CUX1: variants seen among roughly 807,000 people sequenced by gnomAD.
CUX1 encodes protein CASP.
Under a neutral mutation model 158.8 loss-of-function variants are expected in CUX1, and 31 were observed. That is an observed-to-expected ratio of 0.20 (90% CI 0.15 to 0.26). The LOEUF (loss-of-function observed/expected upper bound fraction) is 0.26, where lower values mean the gene tolerates loss of function less well. Among genes scored for constraint, CUX1 ranks in the 10% least tolerant of loss-of-function variants. CUX1 has a pLI of 1.00. For missense variants in CUX1, 1,589 were observed against 2,014.6 expected (o/e 0.79, Z 4.04); for synonymous variants, 879 against 862.1 (o/e 1.02, Z -0.34).
intron 21 of CUX1, among the ~76,000 whole-genome samples, chr7:102,229,486 A>G (rs1483163412): frequency 6.7e-6 from 1 of 148,504 alleles, no homozygotes; most frequent in Non-Finnish European, 1.5e-5. Context: ...TAATTTTTGT[A>G]TTTTTAGTAG....
intron 1 of CUX1, among the ~76,000 whole-genome samples, chr7:101,835,112 AC>A (rs1237948113): frequency 2.0e-5 from 3 of 152,112 alleles, no homozygotes; most frequent in Non-Finnish European, 4.4e-5. Context: ...CGTTTCCAAC[AC>A]CCCGACAAGA....
intron 23 of CUX1, among the ~76,000 whole-genome samples, chr7:102,246,190 T>C (rs1354794368): frequency 6.6e-6 from 1 of 151,996 alleles, no homozygotes; most frequent in Non-Finnish European, 1.5e-5. Flanking sequence ...CCAACCAGAA[T>C]AGGTGGGGTG....
At chr7:101,911,418 C>T (rs1413769898) in intron 1 of CUX1, among the ~76,000 whole-genome samples, 1 of 152,156 alleles carries the variant, frequency 6.6e-6, no homozygotes, top group Non-Finnish European at 1.5e-5. Context: ...ATGACCTGAG[C>T]CTTGGTCTTG....
intron 1 of CUX1, among the ~76,000 whole-genome samples, chr7:101,839,006 C>T (rs924308630): frequency 2.0e-5 from 3 of 152,302 alleles, no homozygotes; most frequent in South Asian, 2.1e-4. Context: ...CAGATGGCCT[C>T]GTTTTTGCTG....
intron 2 of CUX1, among the ~76,000 whole-genome samples, chr7:101,994,960 G>A: frequency 6.6e-6 from 1 of 151,886 alleles, no homozygotes; most frequent in Non-Finnish European, 1.5e-5. Context: ...AGCCGGGCAT[G>A]GTGGCACATG....
At chr7:102,214,591 C>T (rs1796862145) in intron 20 of CUX1, among the ~76,000 whole-genome samples, 3 of 152,360 alleles carry the variant, frequency 2.0e-5, no homozygotes, top group East Asian at 3.9e-4. Context: ...ATTCAGTGAA[C>T]GTATACACAC....
At chr7:102,200,529 C>T (rs958613819) in intron 17 of CUX1, among the ~76,000 whole-genome samples, 12 of 151,986 alleles carry the variant, frequency 7.9e-5, no homozygotes, top group Admixed American at 2.0e-4. Flanking sequence ...TTAGTAGAGA[C>T]GGGGTTTTAC....
intron 1 of CUX1, among the ~76,000 whole-genome samples, chr7:101,870,144 G>GTTTTTT (rs112866816): frequency 9.0e-6 from 1 of 111,206 alleles, no homozygotes; most frequent in Non-Finnish European, 1.8e-5. Context: ...GATGTTTAGT[G>GTTTTTT]TTTTTTTTGT....
At chr7:102,178,732 C>T in intron 11 of CUX1, 75 bp downstream of exon 11, 1 of 1,434,532 alleles carries the variant, frequency 7.0e-7, no homozygotes, top group Non-Finnish European at 9.4e-7. Context: ...ACACACACAC[C>T]CTCTGCCTTT....
At chr7:102,112,743 G>A (rs1422850521) in intron 7 of CUX1, among the ~76,000 whole-genome samples, 1 of 151,852 alleles carries the variant, frequency 6.6e-6, no homozygotes, top group Non-Finnish European at 1.5e-5. Flanking sequence ...CCTAATTTTT[G>A]TGTTTTTAGT....
At chr7:102,034,818 T>C (rs1442156223) in intron 3 of CUX1, among the ~76,000 whole-genome samples, 1 of 150,240 alleles carries the variant, frequency 6.7e-6, no homozygotes, top group African/African-American at 2.5e-5. Context: ...CCTGTACACC[T>C]AGCTATGCAG....
At chr7:102,081,550 A>G (rs58868901) in intron 4 of CUX1, among the ~76,000 whole-genome samples, 16,479 of 146,982 alleles carry the variant, frequency 0.11, 3,327 homozygotes, top group African/African-American at 0.38. Flanking sequence ...CTTCCGCCAC[A>G]ACTGTTTCCT....
At chr7:102,119,846 A>T (rs1258738984) in intron 8 of CUX1, among the ~76,000 whole-genome samples, 7 of 152,092 alleles carry the variant, frequency 4.6e-5, no homozygotes, top group African/African-American at 1.7e-4. Context: ...TACGCCTGAC[A>T]TTCTTTTTTC....
At chr7:101,996,026 C>T (rs1197567076) in intron 2 of CUX1, among the ~76,000 whole-genome samples, 1 of 151,574 alleles carries the variant, frequency 6.6e-6, no homozygotes, top group African/African-American at 2.4e-5. Context: ...GCAGGAGAAT[C>T]GCTTGAACCC....
chr7:101,862,654 A>G (rs1015723915), intron 1 of CUX1, among the ~76,000 whole-genome samples: 2 of 152,062 alleles, frequency 1.3e-5, no homozygotes, highest in African/African-American at 4.8e-5. Context: ...ATTTACATCG[A>G]GGGACATATT....
intron 2 of CUX1, among the ~76,000 whole-genome samples, chr7:101,958,450 ACT>A (rs1810031335): frequency 7.0e-6 from 1 of 142,506 alleles, no homozygotes; most frequent in Non-Finnish European, 1.5e-5. Context: ...ACCCAAAAGG[ACT>A]CTAGGGTGGT....
intron 8 of CUX1, among the ~76,000 whole-genome samples, chr7:102,147,356 A>G (rs1835134439): frequency 6.6e-6 from 1 of 152,146 alleles, no homozygotes; most frequent in Non-Finnish European, 1.5e-5. Flanking sequence ...CCGTGTCTTC[A>G]GTCCTGACCT....
intron 2 of CUX1, among the ~76,000 whole-genome samples, chr7:101,987,398 C>G (rs558310728): frequency 9.8e-5 from 15 of 152,332 alleles, no homozygotes; most frequent in African/African-American, 2.9e-4. Context: ...AGTGACTCAG[C>G]TTCTCATAGG....
chr7:102,182,796 A>G (rs1554514397), intron 11 of CUX1, among the ~76,000 whole-genome samples: 2 of 152,246 alleles, frequency 1.3e-5, no homozygotes, highest in African/African-American at 2.4e-5. Context: ...TAGCTAGTCA[A>G]CTGCACTGTA....
Sources: gnomAD v4.1 joint callset for allele counts (sites outside exome capture counted in the v4.1 genomes callset) on GRCh38, gnomAD v4.1.1 for gene constraint, MANE v1.5 for transcripts, NCBI Gene and HGNC (gene_info 2026-07-23, HGNC 2026-07-21) for gene names.